SLC45A1: variants seen among roughly 807,000 people sequenced by gnomAD.
SLC45A1 encodes the protein solute carrier family 45 member 1.
Under a neutral mutation model 57.6 loss-of-function variants are expected in SLC45A1, and 28 were observed. The ratio of observed to expected loss-of-function variants is 0.49; its 90% confidence interval spans 0.36 to 0.67. The LOEUF (loss-of-function observed/expected upper bound fraction) is 0.67, where lower values mean the gene tolerates loss of function less well. SLC45A1 is among the 30% of genes least tolerant of loss of function. SLC45A1 has a pLI of 0.00. For synonymous variants in SLC45A1, 459 were observed against 471.5 expected (o/e 0.97, Z 0.34); for missense variants, 814 against 1,041.5 (o/e 0.78, Z 3.01).
intron 7 of SLC45A1, among the ~76,000 whole-genome samples, chr1:8,338,806 C>T (rs1640708312): frequency 6.6e-6 from 1 of 152,150 alleles, no homozygotes; most frequent in South Asian, 2.1e-4. Context: ...CAAAACTAGG[C>T]TGCAGGCTGG....
At chr1:8,323,927 G>C (rs72635796) in intron 1 of SLC45A1, among the ~76,000 whole-genome samples, 21,343 of 152,182 alleles carry the variant, frequency 0.14, 1,798 homozygotes, top group South Asian at 0.29. Context: ...TCAGGGAAGG[G>C]CAAAATTAGC....
rs185511466 is a variant in SLC45A1 at position 8,342,075 on chromosome 1, C to T, written c.1981-1672C>T. Among the ~76,000 whole-genome samples the T allele has an allele frequency of 4.9e-3, 749 of 152,080 alleles. 3 individuals are homozygous for T. Among genetic ancestry groups the T allele is most frequent in the Non-Finnish European group, 8.6e-3 (588 of 67,994 alleles). The stretch of plus-strand genomic sequence containing the variant: ...ACAAAAAATTAGCCGGGCGTGGTGG[C>T]GGGCGCCTGTAGTCCCAGCTACTCT... On this transcript the variant is annotated intron_variant, in intron 8 of 8. Transcript: ENST00000471889.
intron 7 of SLC45A1, 108 bp from the exon 8 acceptor site, chr1:8,339,385 G>C (rs1640729471): frequency 1.9e-6 from 2 of 1,076,052 alleles, no homozygotes; most frequent in Non-Finnish European, 2.8e-6. Flanking sequence ...TGCCAAGCCG[G>C]GTCCCACCAC....
rs1442051895 is a variant in SLC45A1 at position 8,328,867 on chromosome 1, GTTC to G, written c.716-1337_716-1335del. Among the ~76,000 whole-genome samples, 2 of 152,102 alleles carry G rather than the reference GTTC, an allele frequency of 1.3e-5. No individual in the cohort carries two copies. Among genetic ancestry groups the G allele is most frequent in the Non-Finnish European group, 2.9e-5 (2 of 68,020 alleles). ...AGAAAAATAATAAATAAAAAATAAA[GTTC>G]TTCTGAAATCTGACCTTGGATAAGG... On this transcript the variant is annotated intron_variant, in intron 4 of 8. Coordinates refer to ENST00000471889, the MANE Select transcript of SLC45A1 (RefSeq NM_001080397.3). This position sits in a 1 kb window ranked among gnomAD's most constrained non-coding sequence, Gnocchi z 4.6.
rs751256061 is a variant in SLC45A1 at position 8,343,683 on chromosome 1, C to T, written c.1981-64C>T. On this transcript the variant is annotated intron_variant, in intron 8 of 8. Transcript: ENST00000471889. This position sits in a 1 kb window ranked among gnomAD's most constrained non-coding sequence, Gnocchi z 7.7. The stretch of plus-strand genomic sequence containing the variant: ...GGCCTCCTGGGCTCGCAGGACACAC[C>T]GAGCTCGGTCACCCCGTGCTGGCCG... The T allele has an allele frequency of 1.2e-4, 192 of 1,551,052 alleles. 1 individual carries two copies. The highest frequency in any genetic ancestry group is 1.5e-4 in the African/African-American group (11 of 74,046).
chr1:8,323,670 A>G (rs577330381), intron 1 of SLC45A1, among the ~76,000 whole-genome samples: 1 of 152,296 alleles, frequency 6.6e-6, no homozygotes, highest in South Asian at 2.1e-4. Flanking sequence ...CCACTGGACT[A>G]AAACTCACTT....
chr1:8,339,662 T>G lies in SLC45A1; in HGVS notation c.1944T>G (p.Pro648=), dbSNP rs1218995427. The change falls in exon 8 of 9, where the codon CCT becomes CCG. Residue 648 remains proline, a synonymous_variant. Coordinates refer to ENST00000471889, the MANE Select transcript of SLC45A1 (RefSeq NM_001080397.3). ...TATTTTCCACCCTGTGCACCTTGCCTTACTCGCTGCTCTGCGATTACTATC... is the reference window on the plus strand; with the variant it reads ...TATTTTCCACCCTGTGCACCTTGCCGTACTCGCTGCTCTGCGATTACTATC... The part of the protein sequence containing the change: ...GILFSTLCTL[P]YSLLCDYYQS... 1.2e-6 allele frequency: 2 copies of G among 1,614,232 alleles called. No individual in the cohort carries two copies. Among genetic ancestry groups the G allele is most frequent in the Non-Finnish European group, 1.7e-6 (2 of 1,180,042 alleles).
At chr1:8,339,735 C>T in intron 8 of SLC45A1, 37 bp downstream of exon 8, 1 of 1,571,054 alleles carries the variant, frequency 6.4e-7, no homozygotes, top group Non-Finnish European at 8.8e-7. Flanking sequence ...GGGTCTGCTT[C>T]TTGGAGAAAC....
At chr1:8,323,445 C>A (rs1370527735) in intron 1 of SLC45A1, among the ~76,000 whole-genome samples, 1 of 142,108 alleles carries the variant, frequency 7.0e-6, no homozygotes, top group Non-Finnish European at 1.5e-5. Flanking sequence ...GAGCCAAGAT[C>A]AAGCCACTGC....
At position 8,321,302 on chromosome 1, in the gene SLC45A1, A is replaced by C. The variant is rs562101028; in HGVS notation, c.-24-3004A>C. Reference sequence around the variant, plus strand: ...TTCATCTGTTCTCTTCCTACAGGAAAGCGTGGTATTTTCCAAAGCCACAGG... The same window carrying C: ...TTCATCTGTTCTCTTCCTACAGGAACGCGTGGTATTTTCCAAAGCCACAGG... On this transcript the variant is annotated intron_variant, in intron 1 of 8. Transcript: ENST00000471889. Among the ~76,000 whole-genome samples the C allele has an allele frequency of 7.9e-5, 12 of 152,266 alleles. No homozygotes were observed. In the South Asian group the frequency reaches 1.5e-3, roughly 18 times the overall value.
Position 8,335,357 on chromosome 1 carries a change from C to T in SLC45A1, c.1444-80C>T. 1 of 1,348,196 alleles carries T rather than the reference C, an allele frequency of 7.4e-7. No individual in the cohort carries two copies. The highest frequency in any genetic ancestry group is 9.8e-7 in the Non-Finnish European group (1 of 1,017,696). The allele number at this position is 1,348,196 out of a possible 1,614,324, so 83.5% of individuals were successfully genotyped here. A position where few individuals can be genotyped will look rare whatever the true frequency, so the allele number is the denominator to read the frequency against. On this transcript the variant is annotated intron_variant, in intron 5 of 8. Transcript: ENST00000471889. This position sits in a 1 kb window ranked among gnomAD's most constrained non-coding sequence, Gnocchi z 4.1. ...CCTCCGTGCGGTGTTTCCGAGAGCG[C>T]ATTCCCCTGAGCAGAGCAGGGTCTG...
rs750909939 is a variant in SLC45A1, at chr1:8,325,418, T to C, written c.490+28T>C. On this transcript the variant is annotated intron_variant, in intron 3 of 8. Coordinates refer to ENST00000471889, the MANE Select transcript of SLC45A1 (RefSeq NM_001080397.3). This position sits in a 1 kb window ranked among gnomAD's most constrained non-coding sequence, Gnocchi z 6.3. ...CTGTTGTTTTGGCATGGAAATAAAA[T>C]GGAGAGGAAAAAAAAAAGGCCCCAA... The C allele has an allele frequency of 2.0e-6, 3 of 1,492,790 alleles. No individual in the cohort carries two copies. Among genetic ancestry groups the C allele is most frequent in the Non-Finnish European group, 2.8e-6 (3 of 1,084,272 alleles). The allele number at this position is 1,492,790 out of a possible 1,614,324, so 92.5% of individuals were successfully genotyped here. A position where few individuals can be genotyped will look rare whatever the true frequency, so the allele number is the denominator to read the frequency against.
intron 1 of SLC45A1, among the ~76,000 whole-genome samples, chr1:8,320,672 TCTCTGTTTCTCTCTCTCTCTACAC>T (rs1639977555): frequency 7.9e-6 from 1 of 126,054 alleles, no homozygotes; most frequent in Non-Finnish European, 1.6e-5. Flanking sequence ...TCTCTCTCTC[TCTCTGTTTCTCTCTCTCTCTACAC>T]ACACACACAC....
intron 1 of SLC45A1, among the ~76,000 whole-genome samples, chr1:8,320,257 G>A: frequency 6.6e-6 from 1 of 152,096 alleles, no homozygotes; most frequent in African/African-American, 2.4e-5. Flanking sequence ...GTGTGGCGGA[G>A]GTGGCAGTAG....
rs1286244020 is a variant in SLC45A1 at position 8,330,881 on chromosome 1, C to T, written c.1388C>T (p.Ala463Val). The T allele has an allele frequency of 1.9e-6, 3 of 1,604,804 alleles. No individual in the cohort carries two copies. Among genetic ancestry groups the T allele is most frequent in the Non-Finnish European group, 2.6e-6 (3 of 1,173,444 alleles). The change falls in exon 5 of 9, where the codon GCC becomes GTC. Residue 463 changes from alanine (A) to valine (V), a missense_variant. Ala to Val is a moderately conservative substitution (Grantham distance 64, BLOSUM62 0). Coordinates refer to ENST00000471889, the MANE Select transcript of SLC45A1 (RefSeq NM_001080397.3). The surrounding 1 kb of genome is among the most constrained non-coding windows in gnomAD (Gnocchi z 8.4). ...CAGACCTTGGCCATCCCGGACGCAG[C>T]CGGAGGAGGGGGTCCCGAAACCAGC... ...RPQTLAIPDA[A>V]GGGGPETSRR...
intron 5 of SLC45A1, among the ~76,000 whole-genome samples, chr1:8,332,838 G>A (rs533477312): frequency 6.6e-6 from 1 of 152,280 alleles, no homozygotes; most frequent in South Asian, 2.1e-4. Context: ...AGTAAAGAAA[G>A]GTTATTCTCT....
chr1:8,334,807 G>A (rs562359620), intron 5 of SLC45A1, among the ~76,000 whole-genome samples: 4 of 152,162 alleles, frequency 2.6e-5, no homozygotes, highest in Non-Finnish European at 4.4e-5. Context: ...CTCGTTCCAG[G>A]AGGAGTTTGC....
rs762040736 is a variant in SLC45A1, at chr1:8,337,883, G to T, written c.1665G>T (p.Gly555=). Residue 555 remains glycine (G), a synonymous_variant, in exon 7 of 9, where the codon GGG becomes GGT. Coordinates refer to ENST00000471889, the MANE Select transcript of SLC45A1 (RefSeq NM_001080397.3). ...TDFMGEVVFQ[G]DPKAPHTSEA... is the part of the protein sequence containing the mutation. ...TCATGGGCGAGGTGGTGTTTCAGGG[G>T]GACCCCAAGGCCCCGCACACATCAG... is the stretch of plus-strand genomic sequence containing the variant. 6.2e-7 allele frequency: 1 copy of T among 1,614,112 alleles called. No individual in the cohort carries two copies. The highest frequency in any genetic ancestry group is 1.7e-5 in the Admixed American group (1 of 60,012).
chr1:8,333,788 T>C (rs770844885), intron 5 of SLC45A1, among the ~76,000 whole-genome samples: 1 of 152,190 alleles, frequency 6.6e-6, no homozygotes, highest in Admixed American at 6.5e-5. Context: ...TTTTCTCTGG[T>C]GTGTGTGGCC....
Sources: allele counts gnomAD v4.1 joint callset (sites outside exome capture counted in the v4.1 genomes callset), GRCh38; gene constraint gnomAD v4.1.1; non-coding constraint Gnocchi (gnomAD v3.1); transcripts MANE v1.5; gene names NCBI Gene and HGNC (gene_info 2026-07-23, HGNC 2026-07-21).